CAMKMT: variants seen among roughly 807,000 people sequenced by gnomAD.
The protein encoded by CAMKMT is calmodulin-lysine N-methyltransferase, also known as CaM KMT.
Under a neutral mutation model 48.0 loss-of-function variants are expected in CAMKMT, and 53 were observed. The observed-to-expected ratio is 1.10, with a 90% CI of 0.89 to 1.39. CAMKMT has a LOEUF of 1.39. CAMKMT is among the 40% of genes most tolerant of loss of function. The pLI is 0.00. For synonymous variants in CAMKMT, 165 were observed against 152.3 expected, an observed-to-expected ratio of 1.08 and a Z score of -0.61; for missense variants, 428 against 402.7, an observed-to-expected ratio of 1.06 and a Z score of -0.54.
intron 3 of CAMKMT, among the ~76,000 whole-genome samples, chr2:44,645,259 C>T (rs373124305): frequency 2.0e-5 from 3 of 152,218 alleles, no homozygotes; most frequent in Admixed American, 6.5e-5. Context: ...CTCCTGCCTT[C>T]GTGGCATCAC....
chr2:44,364,944 T>C (rs1258549082), intron 1 of CAMKMT, among the ~76,000 whole-genome samples: 1 of 152,236 alleles, frequency 6.6e-6, no homozygotes, highest in African/African-American at 2.4e-5. Context: ...GTAAGATATT[T>C]GGCAAAGGCC....
chr2:44,489,163 G>A (rs921232697), intron 3 of CAMKMT, among the ~76,000 whole-genome samples: 8 of 151,446 alleles, frequency 5.3e-5, no homozygotes, highest in Non-Finnish European at 1.0e-4. Context: ...ACCCACCAAC[G>A]CTGGACTTTT....
intron 7 of CAMKMT, among the ~76,000 whole-genome samples, chr2:44,743,386 T>C (rs976998233): frequency 6.6e-6 from 1 of 152,182 alleles, no homozygotes; most frequent in Non-Finnish European, 1.5e-5. Context: ...CAAAAACCTA[T>C]AAAAACTAGC....
intron 3 of CAMKMT, among the ~76,000 whole-genome samples, chr2:44,501,876 G>T (rs1048314558): frequency 5.3e-5 from 8 of 151,944 alleles, no homozygotes; most frequent in African/African-American, 1.9e-4. Flanking sequence ...AGAGTAGCGG[G>T]GTGGGTTGGA....
chr2:44,471,876 TC>T (rs1668437474), intron 3 of CAMKMT, among the ~76,000 whole-genome samples: 1 of 151,852 alleles, frequency 6.6e-6, no homozygotes, highest in Non-Finnish European at 1.5e-5. Flanking sequence ...AAATGGGGTT[TC>T]TCCACATAGA....
At chr2:44,742,530 GAC>G (rs1335374835) in intron 7 of CAMKMT, among the ~76,000 whole-genome samples, 3 of 152,172 alleles carry the variant, frequency 2.0e-5, no homozygotes, top group Admixed American at 6.5e-5. Context: ...CACAGGACCT[GAC>G]ACACAGTGAG....
At chr2:44,374,631 G>C (rs1461297759) in intron 2 of CAMKMT, among the ~76,000 whole-genome samples, 1 of 152,234 alleles carries the variant, frequency 6.6e-6, no homozygotes, top group Non-Finnish European at 1.5e-5. Flanking sequence ...TTATCCACTT[G>C]TAGAGATGAT....
Position 44,715,150 on chromosome 2 carries a change from G to T in CAMKMT, c.557-137G>T, listed in dbSNP as rs527657414. On this transcript the variant is annotated intron_variant, in intron 6 of 10. Transcript: ENST00000378494. ...AGAGGGTGCAGTGAGCTGAGATCAC[G>T]CCACTGCACTCCAGCCTGGGCAACA... 9.5e-6 allele frequency: 5 copies of T among 528,288 alleles called. No homozygotes were observed. In the East Asian group the frequency reaches 1.3e-4, roughly 14 times the overall value. The allele number at this position is 528,288 out of a possible 1,614,324, so 32.7% of individuals were successfully genotyped here.
chr2:44,477,354 T>G (rs1374438628), intron 3 of CAMKMT, among the ~76,000 whole-genome samples: 1 of 152,198 alleles, frequency 6.6e-6, no homozygotes, highest in Non-Finnish European at 1.5e-5. Context: ...GTGTATTGGT[T>G]TCAGTACAAT....
At chr2:44,519,116 A>G (rs550195240) in intron 3 of CAMKMT, among the ~76,000 whole-genome samples, 2 of 152,348 alleles carry the variant, frequency 1.3e-5, no homozygotes, top group East Asian at 3.9e-4. Context: ...TCTTAATGCT[A>G]TCACAAACCA....
In CAMKMT at chr2:44,734,409, C is replaced by CT. The variant is rs570124604; in HGVS notation, c.624-9202dup. Among the ~76,000 whole-genome samples the CT allele has an allele frequency of 3.5e-3, 510 of 146,630 alleles. 7 individuals are homozygous for CT. The East Asian group carries it at 0.038, about 11-fold the overall frequency. ...AATTCCATTGTGGTCAGGAAACATTCTTTTTTTTTTTATTTTTATTTTTGA... is the reference window on the plus strand; with the variant it reads ...AATTCCATTGTGGTCAGGAAACATTCTTTTTTTTTTTTATTTTTATTTTTGA... On this transcript the variant is annotated intron_variant, in intron 7 of 10. Transcript: ENST00000378494.
intron 3 of CAMKMT, among the ~76,000 whole-genome samples, chr2:44,641,838 G>A (rs929013646): frequency 7.2e-5 from 11 of 152,184 alleles, no homozygotes; most frequent in African/African-American, 1.7e-4. Flanking sequence ...GATTATAGGC[G>A]TGAGCCACCA....
At chr2:44,626,661 G>A (rs1056616129) in intron 3 of CAMKMT, among the ~76,000 whole-genome samples, 1 of 152,066 alleles carries the variant, frequency 6.6e-6, no homozygotes, top group African/African-American at 2.4e-5. Flanking sequence ...TTCTTTATAA[G>A]TGCACTAATT....
chr2:44,562,841 G>A (rs538048508), intron 3 of CAMKMT, among the ~76,000 whole-genome samples: 4 of 152,292 alleles, frequency 2.6e-5, no homozygotes, highest in African/African-American at 7.2e-5. Context: ...GATTACAGGC[G>A]TGAGCCACAG....
At chr2:44,537,701 C>G (rs1666853001) in intron 3 of CAMKMT, among the ~76,000 whole-genome samples, 1 of 152,140 alleles carries the variant, frequency 6.6e-6, no homozygotes, top group Non-Finnish European at 1.5e-5. Context: ...GTAGCTGGTA[C>G]TACGGGCATG....
intron 3 of CAMKMT, among the ~76,000 whole-genome samples, chr2:44,451,999 A>G (rs1378146603): frequency 6.6e-6 from 1 of 152,018 alleles, no homozygotes; most frequent in Non-Finnish European, 1.5e-5. Context: ...TATTGATAAT[A>G]TCACACATTT....
chr2:44,393,056 A>T, intron 3 of CAMKMT, among the ~76,000 whole-genome samples: 1 of 152,124 alleles, frequency 6.6e-6, no homozygotes, highest in East Asian at 1.9e-4. Flanking sequence ...AGGTATGGTC[A>T]TGGTTTAGTA....
chr2:44,637,574 A>G (rs181252254), intron 3 of CAMKMT, among the ~76,000 whole-genome samples: 6 of 152,116 alleles, frequency 3.9e-5, no homozygotes, highest in Admixed American at 2.6e-4. Context: ...TTTTAAAAAT[A>G]TGTATAATTT....
intron 3 of CAMKMT, among the ~76,000 whole-genome samples, chr2:44,466,713 C>T (rs947007751): frequency 6.6e-6 from 1 of 151,910 alleles, no homozygotes; most frequent in Non-Finnish European, 1.5e-5. Context: ...AAAAAATTAA[C>T]AAAACTAAGA....
Sources: allele counts gnomAD v4.1 joint callset (sites outside exome capture counted in the v4.1 genomes callset), GRCh38; gene constraint gnomAD v4.1.1; transcripts MANE v1.5; gene names NCBI Gene and HGNC (gene_info 2026-07-23, HGNC 2026-07-21).